Variants in LYSMD4 observed in about 807,000 individuals in gnomAD.
The protein encoded by LYSMD4 is LysM domain containing 4, also known as lysM and putative peptidoglycan-binding domain-containing protein 4.
Under a neutral mutation model 6.1 loss-of-function variants are expected in LYSMD4, and 9 were observed. The observed-to-expected ratio is 1.47, with a 90% CI of 0.88 to 2.56. LYSMD4 has a LOEUF of 2.56. Ranked by LOEUF, LYSMD4 falls within the 30% of genes most tolerant of loss-of-function variation. The pLI is 0.00. For missense variants in LYSMD4, 384 were observed against 373.5 expected (o/e 1.03, Z -0.23); for synonymous variants, 143 against 148.5 (o/e 0.96, Z 0.27).
chr15:99,728,889 C>G lies in LYSMD4; in HGVS notation c.*234G>C. The G allele has an allele frequency of 1.7e-6, 1 of 575,974 alleles. No individual in the cohort carries two copies. The highest frequency in any genetic ancestry group is 3.1e-6 in the Non-Finnish European group (1 of 325,886). The allele number at this position is 575,974 out of a possible 1,614,324, so 35.7% of individuals were successfully genotyped here. ...CTAAATGTCACAGGGAAATGGCTCTCTTGCTGCACCTCTCTGGATAGGGGC... is the reference window on the plus strand; with the variant it reads ...CTAAATGTCACAGGGAAATGGCTCTGTTGCTGCACCTCTCTGGATAGGGGC... On this transcript the variant is annotated 3_prime_UTR_variant, in exon 3 of 3. Transcript: ENST00000684762.
At chr15:99,732,032 T>G in intron 1 of LYSMD4, 25 bp from the exon 2 acceptor site, 1 of 1,529,722 alleles carries the variant, frequency 6.5e-7, no homozygotes, top group East Asian at 2.5e-5. Flanking sequence ...GGAGGGTTAA[T>G]TCCACAGAAG....
At chr15:99,716,366 C>G in exon 1 of LYSMD4, 1 of 357,276 alleles carries the variant, frequency 2.8e-6, no homozygotes, top group South Asian at 2.1e-5. Flanking sequence ...TGTTGTTTTT[C>G]TTCATTATAC....
upstream of LYSMD4, among the ~76,000 whole-genome samples, chr15:99,719,775 C>T (rs1156844808): frequency 2.6e-5 from 4 of 152,172 alleles, no homozygotes; most frequent in South Asian, 2.1e-4. Flanking sequence ...TGCAAGGTAT[C>T]GCCAAATTTG....
downstream of LYSMD4, among the ~76,000 whole-genome samples, chr15:99,726,260 C>A (rs2059281548): frequency 6.6e-6 from 1 of 151,556 alleles, no homozygotes; most frequent in South Asian, 2.1e-4. Flanking sequence ...TCCCGTGCCA[C>A]AGCCTCCCAA....
rs1380579406 is a variant in LYSMD4 at position 99,733,327 on chromosome 15, TCGTCCAGGCCCCGGTACCTCAG to T, written c.-13_-9+17del. On this transcript the variant is annotated splice_donor_variant and splice_donor_5th_base_variant and 5_prime_UTR_variant and intron_variant, in exon 1 of 3. Coordinates refer to ENST00000684762, the MANE Select transcript of LYSMD4 (RefSeq NM_001284417.2). LOFTEE classifies it low-confidence loss of function (5UTR_SPLICE). Reference sequence around the variant, plus strand: ...GCTCCCTAGCCAGACCGCGGCCCCCTCGTCCAGGCCCCGGTACCTCAGCGCCCAGGCTCCGCCGCGACCGGCG... The same window carrying T: ...GCTCCCTAGCCAGACCGCGGCCCCCTCGCCCAGGCTCCGCCGCGACCGGCG... 5.1e-6 allele frequency: 2 copies of T among 391,936 alleles called. No homozygotes were observed. Among genetic ancestry groups the T allele is most frequent in the Non-Finnish European group, 9.0e-6 (2 of 221,748 alleles). The allele number at this position is 391,936 out of a possible 1,614,324, so 24.3% of individuals were successfully genotyped here. A position where few individuals can be genotyped will look rare whatever the true frequency, so the allele number is the denominator to read the frequency against.
exon 1 of LYSMD4, chr15:99,716,380 AAATAT>A: frequency 5.3e-6 from 2 of 379,626 alleles, no homozygotes; most frequent in Middle Eastern, 3.7e-4. Flanking sequence ...ATTATACAAT[AAATAT>A]AATAGTGAAC....
At chr15:99,731,110 C>A in intron 2 of LYSMD4, 1 of 1,495,194 alleles carries the variant, frequency 6.7e-7, no homozygotes, top group Admixed American at 1.7e-5. Context: ...ACAGTGTTAG[C>A]AAAGTGAAAC....
chr15:99,726,168 T>TTTTTTTTC (rs60862713), downstream of LYSMD4, among the ~76,000 whole-genome samples: 3 of 146,250 alleles, frequency 2.1e-5, no homozygotes, highest in Admixed American at 1.4e-4. Flanking sequence ...TTTTTTTTTT[T>TTTTTTTTC]CCCGCCTGAG....
downstream of LYSMD4, among the ~76,000 whole-genome samples, chr15:99,725,361 T>G (rs1186069016): frequency 2.0e-5 from 3 of 152,208 alleles, no homozygotes; most frequent in African/African-American, 7.2e-5. Flanking sequence ...CCTTTTGACC[T>G]CCACATTCTC....
rs751807461 is a variant in LYSMD4 at position 99,729,420 on chromosome 15, C to CT, written c.593dup (p.Pro199AlafsTer43). On this transcript the variant is annotated frameshift_variant, in exon 3 of 3. Coordinates refer to ENST00000684762, the MANE Select transcript of LYSMD4 (RefSeq NM_001284417.2). LOFTEE classifies it low-confidence loss of function (END_TRUNC). ...TCTTCGGAGGTGCCGGGAGCAGTGG[C>CT]TGATGGGAGGTGTCCATGCAGTAAC... The CT allele has an allele frequency of 1.4e-5, 23 of 1,614,082 alleles. No individual in the cohort carries two copies. Among genetic ancestry groups the CT allele is most frequent in the Non-Finnish European group, 1.9e-5 (23 of 1,180,052 alleles).
rs1439134877 is a variant in LYSMD4 at position 99,728,201 on chromosome 15, G to T, written c.*922C>A. The T allele has an allele frequency of 6.6e-6, 1 of 152,514 alleles. No individual in the cohort carries two copies. The highest frequency in any genetic ancestry group is 1.5e-5 in the Non-Finnish European group (1 of 68,256). 9.4% of individuals were successfully genotyped at this position (152,514 alleles called of 1,614,324 possible). A position where few individuals can be genotyped will look rare whatever the true frequency, so the allele number is the denominator to read the frequency against. On this transcript the variant is annotated 3_prime_UTR_variant, in exon 3 of 3. Coordinates refer to ENST00000684762, the MANE Select transcript of LYSMD4 (RefSeq NM_001284417.2). Reference sequence around the variant, plus strand: ...TGGAGCTCCGAAGAACTGAGCCAGGGAAGCAGCAGGGGGAGCGCCCTGTGT... The same window carrying T: ...TGGAGCTCCGAAGAACTGAGCCAGGTAAGCAGCAGGGGGAGCGCCCTGTGT...
downstream of LYSMD4, among the ~76,000 whole-genome samples, chr15:99,723,852 A>G (rs1268828391): frequency 6.6e-6 from 1 of 151,536 alleles, no homozygotes; most frequent in Non-Finnish European, 1.5e-5. Flanking sequence ...GTGCTCATCA[A>G]CTCGCTATTG....
rs760867625 is a variant in LYSMD4 at position 99,729,271 on chromosome 15, G to A, written c.743C>T (p.Thr248Ile). ...VYFKIQASGE[T>I]PNSLNTTVIP... ...GACAGTTGTGTTCAAGCTATTAGGG[G>A]TCTCACCACTAGCTTGTATTTTAAA... Residue 248 changes from threonine (T) to isoleucine (I), a missense_variant, in exon 3 of 3, where the codon ACC (threonine) becomes ATC (isoleucine). Physicochemically the swap from Thr to Ile is moderately conservative, Grantham distance 89 (BLOSUM62 -1). Transcript: ENST00000684762. The A allele has an allele frequency of 5.6e-6, 9 of 1,614,170 alleles. No homozygotes were observed. Among genetic ancestry groups the A allele is most frequent in the Non-Finnish European group, 6.8e-6 (8 of 1,180,036 alleles).
chr15:99,726,773 A>G (rs115845550), downstream of LYSMD4, among the ~76,000 whole-genome samples: 918 of 152,314 alleles, frequency 6.0e-3, 9 homozygotes, highest in African/African-American at 0.021. Context: ...CTATTTCTCT[A>G]AAATATTCCC....
upstream of LYSMD4, among the ~76,000 whole-genome samples, chr15:99,719,969 C>A (rs2059225776): frequency 3.3e-5 from 5 of 152,116 alleles, no homozygotes; most frequent in South Asian, 1.0e-3. Flanking sequence ...ATTTTAATAT[C>A]TTTCAAGTGT....
chr15:99,716,483 C>T (rs758936701), exon 1 of LYSMD4: 8 of 456,710 alleles, frequency 1.8e-5, no homozygotes, highest in Admixed American at 1.2e-4. Flanking sequence ...ACTGGCTCTT[C>T]CTGTGCGTCG....
chr15:99,718,199 ATACCGC>A (rs1199343355), upstream of LYSMD4, among the ~76,000 whole-genome samples: 1 of 152,172 alleles, frequency 6.6e-6, no homozygotes, highest in Admixed American at 6.5e-5. Context: ...ATTTTGTCTA[ATACCGC>A]TCGGTGTGGA....
chr15:99,733,089 C>G (rs909333323), intron 1 of LYSMD4: 2 of 357,716 alleles, frequency 5.6e-6, no homozygotes, highest in East Asian at 8.1e-5. Context: ...GGCCCGGCCC[C>G]AGGGCTCCAC....
upstream of LYSMD4, among the ~76,000 whole-genome samples, chr15:99,720,295 T>C (rs1200266587): frequency 1.3e-5 from 2 of 152,228 alleles, no homozygotes; most frequent in African/African-American, 2.4e-5. Context: ...GAGTTTGTTC[T>C]TGTATGTGGA....
Sources: gnomAD v4.1 joint callset for allele counts (sites outside exome capture counted in the v4.1 genomes callset) on GRCh38, gnomAD v4.1.1 for gene constraint, MANE v1.5 for transcripts, NCBI Gene and HGNC (gene_info 2026-07-23, HGNC 2026-07-21) for gene names.